The following SDHB variants were observed in gnomAD, a reference collection of about 807,000 sequenced individuals.
The protein encoded by SDHB is succinate dehydrogenase complex iron sulfur subunit B, also known as succinate dehydrogenase [ubiquinone] iron-sulfur subunit, mitochondrial.
Under a neutral mutation model 39.7 loss-of-function variants are expected in SDHB, and 21 were observed. The observed-to-expected ratio is 0.53, with a 90% CI of 0.37 to 0.76. SDHB has a LOEUF of 0.76. Ranked by LOEUF, SDHB falls within the 30% of genes least tolerant of loss-of-function variation. The pLI, the probability that SDHB is intolerant of heterozygous loss-of-function variation, is 0.00. For synonymous variants in SDHB, 118 were observed against 117.0 expected (o/e 1.01, Z -0.06); for missense variants, 343 against 350.9 (o/e 0.98, Z 0.18).
chr1:17,022,874 A>G (rs769991016), intron 6 of SDHB, 144 bp from the exon 7 acceptor site: 90 of 1,063,638 alleles, frequency 8.5e-5, no homozygotes, highest in Non-Finnish European at 1.2e-4. Context: ...ATTCTTGTCC[A>G]TCTTTCAAGG....
At position 17,022,657 on chromosome 1, in the gene SDHB, G is replaced by A. The variant is rs201098090; in HGVS notation, c.716C>T (p.Ser239Phe). 1.8e-5 allele frequency: 29 copies of A among 1,613,982 alleles called. No individual in the cohort carries two copies. The South Asian group carries it at 2.0e-4, about 11-fold the overall frequency. The stretch of plus-strand genomic sequence containing the variant: ...CATGATGGTGTGGCAGCGGTATAGA[G>A]AGAATGGGTCCTGCAGCTTGGCCAG... The part of the protein sequence containing the change: ...ERLAKLQDPF[S>F]LYRCHTIMNC... Residue 239 changes from serine (S) to phenylalanine (F), a missense_variant, in exon 7 of 8, where the codon TCT becomes TTT. Ser to Phe is a radical substitution (Grantham distance 155). Transcript: ENST00000375499.
intron 7 of SDHB, 118 bp downstream of exon 7, chr1:17,022,490 G>T: frequency 7.2e-7 from 1 of 1,381,948 alleles, no homozygotes. Flanking sequence ...GGCATATGCT[G>T]GTCCCTTTCC....
Position 17,024,141 on chromosome 1 carries a change from T to A in SDHB, c.541-67A>T, listed in dbSNP as rs2077979392. The A allele has an allele frequency of 6.2e-6, 7 of 1,136,190 alleles. No individual in the cohort carries two copies. The South Asian group carries it at 7.6e-5, about 12-fold the overall frequency. The allele number at this position is 1,136,190 out of a possible 1,614,324, so 70.4% of individuals were successfully genotyped here. A position where few individuals can be genotyped will look rare whatever the true frequency, so the allele number is the denominator to read the frequency against. ...AGACTCTGCTATGTCTTCAGCTGATTAAATGTTACCTTTGGGGTCAGTGCA... is the reference window on the plus strand; with the variant it reads ...AGACTCTGCTATGTCTTCAGCTGATAAAATGTTACCTTTGGGGTCAGTGCA... On this transcript the variant is annotated intron_variant, in intron 5 of 7. Coordinates refer to ENST00000375499, the MANE Select transcript of SDHB (RefSeq NM_003000.3).
chr1:17,039,415 C>CAAAAA (rs34561776), intron 2 of SDHB, among the ~76,000 whole-genome samples: 1 of 86,328 alleles, frequency 1.2e-5, no homozygotes, highest in Non-Finnish European at 2.1e-5. Context: ...CCTGTCTCTA[C>CAAAAA]AAAAAAAAAA....
chr1:17,044,778 A>G lies in SDHB; in HGVS notation c.183T>C (p.Tyr61=), dbSNP rs760169139. The G allele has an allele frequency of 2.9e-5, 47 of 1,614,068 alleles. 1 individual carries two copies. The South Asian group carries it at 4.6e-4, about 16-fold the overall frequency. The change falls in exon 2 of 8, where the codon TAT becomes TAC. Residue 61 remains tyrosine, a synonymous_variant. Transcript: ENST00000375499. ...ATACTCACTTATTAAGGTCAACTTC[A>G]TAAGTCTGCATATGAGGTTTGTCTC... ...KAGDKPHMQT[Y]EVDLNKCGPM... is the part of the protein sequence containing the mutation.
At chr1:17,024,450 A>C (rs1224037725) in intron 5 of SDHB, among the ~76,000 whole-genome samples, 1 of 152,178 alleles carries the variant, frequency 6.6e-6, no homozygotes, top group Non-Finnish European at 1.5e-5. Flanking sequence ...AAGCAGCAAG[A>C]GTCTGTAGCT....
At chr1:17,039,944 C>T (rs2078071759) in intron 2 of SDHB, among the ~76,000 whole-genome samples, 1 of 152,134 alleles carries the variant, frequency 6.6e-6, no homozygotes, top group African/African-American at 2.4e-5. Context: ...CAAGTTTCCA[C>T]CTGGTATTAT....
chr1:17,023,757 A>G (rs1261317971), intron 6 of SDHB, among the ~76,000 whole-genome samples: 1 of 152,238 alleles, frequency 6.6e-6, no homozygotes, highest in Non-Finnish European at 1.5e-5. Context: ...CTTTGGGGTG[A>G]CCCTCACTGC....
At chr1:17,027,556 C>T in intron 5 of SDHB, 193 bp downstream of exon 5, 1 of 601,994 alleles carries the variant, frequency 1.7e-6, no homozygotes. Context: ...GCTCCTTGGT[C>T]CACTCTGGGC....
At chr1:17,051,134 T>C (rs1054115192) in intron 1 of SDHB, among the ~76,000 whole-genome samples, 1 of 152,224 alleles carries the variant, frequency 6.6e-6, no homozygotes, top group African/African-American at 2.4e-5. Flanking sequence ...AAAGAAGTTG[T>C]TGCTCTAATC....
chr1:17,041,979 T>A (rs933804547), intron 2 of SDHB, among the ~76,000 whole-genome samples: 3 of 152,008 alleles, frequency 2.0e-5, no homozygotes, highest in Non-Finnish European at 4.4e-5. Flanking sequence ...TGGAGTGCAG[T>A]GGTGTGATCT....
intron 3 of SDHB, among the ~76,000 whole-genome samples, chr1:17,029,093 G>GTTTTTT (rs746243819): frequency 0.015 from 1,109 of 71,984 alleles, 106 homozygotes; most frequent in East Asian, 0.037. Flanking sequence ...AAATCAGCCT[G>GTTTTTT]TTTTTTTTTT....
At chr1:17,028,778 G>C (rs1156433946) in intron 3 of SDHB, 42 bp from the exon 4 acceptor site, 1 of 1,609,050 alleles carries the variant, frequency 6.2e-7, no homozygotes, top group Non-Finnish European at 8.5e-7. Context: ...CCCATATCCG[G>C]AATCAGTCCT....
At chr1:17,025,868 CAAAATCTG>C (rs1344101126) in intron 5 of SDHB, among the ~76,000 whole-genome samples, 1 of 152,058 alleles carries the variant, frequency 6.6e-6, no homozygotes, top group African/African-American at 2.4e-5. Context: ...CAAAATGTTC[CAAAATCTG>C]AAACTTTTTG....
At chr1:17,024,750 T>C (rs2101517677) in intron 5 of SDHB, among the ~76,000 whole-genome samples, 1 of 152,294 alleles carries the variant, frequency 6.6e-6, no homozygotes, top group African/African-American at 2.4e-5. Flanking sequence ...CTTTCACACC[T>C]GCCACACTGG....
At chr1:17,043,406 A>G (rs1473423311) in intron 2 of SDHB, among the ~76,000 whole-genome samples, 1 of 152,200 alleles carries the variant, frequency 6.6e-6, no homozygotes, top group African/African-American at 2.4e-5. Context: ...GTTATATATC[A>G]ATTAATGCTA....
intron 2 of SDHB, among the ~76,000 whole-genome samples, chr1:17,034,069 C>T (rs1243301475): frequency 6.6e-6 from 1 of 152,196 alleles, no homozygotes; most frequent in African/African-American, 2.4e-5. Context: ...TGCCCCCATT[C>T]CACTCACTAA....
chr1:17,031,422 T>A (rs562600224), intron 3 of SDHB, among the ~76,000 whole-genome samples: 1 of 152,292 alleles, frequency 6.6e-6, no homozygotes, highest in African/African-American at 2.4e-5. Context: ...AATTCTGCTT[T>A]ATTTTTTTTA....
rs747649519 is a variant in SDHB at position 17,044,893 on chromosome 1, A to C, written c.73-5T>G. 1 of 1,613,302 alleles carries C rather than the reference A, an allele frequency of 6.2e-7. No individual in the cohort carries two copies. Among genetic ancestry groups the C allele is most frequent in the Non-Finnish European group, 8.5e-7 (1 of 1,179,864 alleles). ...TGTCTGGGCTCCTCGGGAGGCCTGA[A>C]ATTTTTTAAAGTTCACAAAAAGGAA... On this transcript the variant is annotated splice_region_variant and splice_polypyrimidine_tract_variant and intron_variant, in intron 1 of 7. Transcript: ENST00000375499.
Sources: gnomAD v4.1 joint callset for allele counts (sites outside exome capture counted in the v4.1 genomes callset) on GRCh38, gnomAD v4.1.1 for gene constraint, MANE v1.5 for transcripts, NCBI Gene and HGNC (gene_info 2026-07-23, HGNC 2026-07-21) for gene names.